SRBD1: variants seen among roughly 807,000 people sequenced by gnomAD.
SRBD1 encodes S1 RNA binding domain 1, also known as S1 RNA-binding domain-containing protein 1.
A neutral mutation model predicts 115.3 loss-of-function variants in SRBD1; 88 were observed. The ratio of observed to expected loss-of-function variants is 0.76; its 90% CI spans 0.64 to 0.91. SRBD1 has a LOEUF of 0.91. Ranked by LOEUF, SRBD1 falls within the 40% of genes least tolerant of loss-of-function variation. The pLI is 0.00. For synonymous variants in SRBD1, 509 were observed against 407.7 expected, an observed-to-expected ratio of 1.25 and a Z score of -2.99; for missense variants, 1,385 against 1,177.4, an observed-to-expected ratio of 1.18 and a Z score of -2.58.
At chr2:45,459,054 A>G (rs185176443) in intron 16 of SRBD1, among the ~76,000 whole-genome samples, 7 of 152,174 alleles carry the variant, frequency 4.6e-5, no homozygotes, top group Non-Finnish European at 1.0e-4. Context: ...GCATCCCAAC[A>G]AACTACAGAG....
chr2:45,601,593 T>C (rs1452483446), intron 3 of SRBD1, among the ~76,000 whole-genome samples: 1 of 152,216 alleles, frequency 6.6e-6, no homozygotes, highest in Non-Finnish European at 1.5e-5. Context: ...GCCTCAATGG[T>C]TGTTATAAAG....
At chr2:45,419,104 C>T (rs1667922533) in intron 17 of SRBD1, among the ~76,000 whole-genome samples, 1 of 152,124 alleles carries the variant, frequency 6.6e-6, no homozygotes, top group African/African-American at 2.4e-5. Flanking sequence ...AATCTCAACT[C>T]TATTATAAAA....
At chr2:45,546,028 C>A (rs949479889) in intron 14 of SRBD1, 6 of 380,182 alleles carry the variant, frequency 1.6e-5, no homozygotes, top group Non-Finnish European at 2.2e-5. Flanking sequence ...TGTTAAATAT[C>A]AGCCATTATA....
Position 45,524,167 on chromosome 2 carries a change from A to C in SRBD1, c.1874+22565T>G, listed in dbSNP as rs115343963. 2.0e-3 allele frequency among the ~76,000 whole-genome samples: 304 copies of C among 152,180 alleles called. 1 individual carries two copies. Among genetic ancestry groups the C allele is most frequent in the African/African-American group, 7.0e-3 (292 of 41,574 alleles). ...AGGGAAATTCCTTGATCAGGTAAAA[A>C]GCATGTAGGAAAAACCCACAGTCAA... On this transcript the variant is annotated intron_variant, in intron 14 of 20. Transcript: ENST00000263736.
At chr2:45,550,151 G>A (rs1672250575) in intron 12 of SRBD1, among the ~76,000 whole-genome samples, 1 of 151,996 alleles carries the variant, frequency 6.6e-6, no homozygotes, top group Non-Finnish European at 1.5e-5. Flanking sequence ...CCCAGTAGAT[G>A]GTTTTAGTAA....
At chr2:45,468,905 A>C (rs890845329) in intron 16 of SRBD1, among the ~76,000 whole-genome samples, 1 of 152,186 alleles carries the variant, frequency 6.6e-6, no homozygotes, top group Non-Finnish European at 1.5e-5. Context: ...GAATTATCAG[A>C]CTAATTTTTG....
intron 10 of SRBD1, among the ~76,000 whole-genome samples, chr2:45,561,984 G>C (rs1407621133): frequency 6.6e-6 from 1 of 151,912 alleles, no homozygotes; most frequent in Non-Finnish European, 1.5e-5. Flanking sequence ...ATGATACATA[G>C]AGCATATTTT....
chr2:45,565,103 T>C lies in SRBD1; in HGVS notation c.1306-2347A>G, dbSNP rs536049682. On this transcript the variant is annotated intron_variant, in intron 9 of 20. Coordinates refer to ENST00000263736, the MANE Select transcript of SRBD1 (RefSeq NM_018079.5). ...CAGTGAAATCCCTATCAAATCCCAA[T>C]TGGCATGTTTTGTGGAAACTGGTGA... 5.9e-5 allele frequency among the ~76,000 whole-genome samples: 9 copies of C among 152,324 alleles called. No individual in the cohort carries two copies. In the South Asian group the frequency reaches 1.5e-3, roughly 25 times the overall value.
intron 9 of SRBD1, among the ~76,000 whole-genome samples, chr2:45,571,910 C>G (rs1266801757): frequency 3.9e-5 from 6 of 152,034 alleles, no homozygotes; most frequent in African/African-American, 1.4e-4. Flanking sequence ...CAATCATACT[C>G]TCTACATATA....
intron 14 of SRBD1, among the ~76,000 whole-genome samples, chr2:45,512,053 G>A (rs1006223747): frequency 9.2e-5 from 14 of 152,088 alleles, no homozygotes; most frequent in Non-Finnish European, 1.9e-4. Context: ...GAAATACACT[G>A]GAATCTTCTC....
chr2:45,469,500 A>G lies in SRBD1; in HGVS notation c.2049+7493T>C, dbSNP rs3770269. Among the ~76,000 whole-genome samples, 63 of 152,306 alleles carry G rather than the reference A, an allele frequency of 4.1e-4. 1 individual carries two copies. In the East Asian group the frequency reaches 8.5e-3, roughly 21 times the overall value. ...GGTAAAAGGTTCTTCAAATCATGCT[A>G]TCATTTCACATTTCTTTTAAAGATA... On this transcript the variant is annotated intron_variant, in intron 16 of 20. Transcript: ENST00000263736.
chr2:45,476,461 T>A (rs1434696541), intron 16 of SRBD1, among the ~76,000 whole-genome samples: 1 of 152,206 alleles, frequency 6.6e-6, no homozygotes, highest in African/African-American at 2.4e-5. Flanking sequence ...CTTCCCCACA[T>A]ACCATTTTGC....
At chr2:45,451,921 A>G (rs1444207245) in intron 16 of SRBD1, among the ~76,000 whole-genome samples, 1 of 152,084 alleles carries the variant, frequency 6.6e-6, no homozygotes, top group East Asian at 1.9e-4. Context: ...AGAGGTAAAA[A>G]TAAAAATTGT....
chr2:45,600,714 C>T (rs55827105), intron 3 of SRBD1, among the ~76,000 whole-genome samples: 70 of 152,132 alleles, frequency 4.6e-4, no homozygotes, highest in Non-Finnish European at 9.1e-4. Flanking sequence ...GCACCCATCT[C>T]GGCACTGGGT....
chr2:45,546,655 A>G, intron 14 of SRBD1, 77 bp downstream of exon 14: 1 of 1,356,552 alleles, frequency 7.4e-7, no homozygotes, highest in Non-Finnish European at 1.1e-6. Context: ...TTAAAAAGAG[A>G]AGGGAGGATT....
At chr2:45,581,563 A>G (rs1181990362) in intron 6 of SRBD1, 130 bp downstream of exon 6, 1 of 649,560 alleles carries the variant, frequency 1.5e-6, no homozygotes, top group Non-Finnish European at 2.6e-6. Context: ...TAAAGAATAA[A>G]TATTTTGTTG....
At chr2:45,465,428 G>A (rs1367920257) in intron 16 of SRBD1, among the ~76,000 whole-genome samples, 1 of 151,758 alleles carries the variant, frequency 6.6e-6, no homozygotes, top group South Asian at 2.1e-4. Context: ...ATATATAAAT[G>A]CACACACAGA....
chr2:45,450,133 T>C (rs1207818386), intron 16 of SRBD1, among the ~76,000 whole-genome samples: 1 of 152,180 alleles, frequency 6.6e-6, no homozygotes, highest in Non-Finnish European at 1.5e-5. Context: ...TTTCCATTCA[T>C]CTCGTGAGAG....
intron 1 of SRBD1, among the ~76,000 whole-genome samples, chr2:45,606,545 A>G (rs1166332825): frequency 6.6e-6 from 1 of 152,234 alleles, no homozygotes; most frequent in Admixed American, 6.5e-5. Context: ...CTGAGTAAGC[A>G]GCCAGGTTAT....
Sources: allele counts gnomAD v4.1 joint callset (sites outside exome capture counted in the v4.1 genomes callset), GRCh38; gene constraint gnomAD v4.1.1; transcripts MANE v1.5; gene names NCBI Gene and HGNC (gene_info 2026-07-23, HGNC 2026-07-21).